The following TSPAN11 variants were observed in gnomAD, a reference collection of about 807,000 sequenced individuals.
The protein encoded by TSPAN11 is tetraspanin 11, also known as tetraspanin-11.
A neutral mutation model predicts 32.9 loss-of-function variants in TSPAN11; 29 were observed. The ratio of observed to expected loss-of-function variants is 0.88; its 90% CI spans 0.66 to 1.20. The LOEUF (loss-of-function observed/expected upper bound fraction) is 1.20. Ranked by LOEUF, TSPAN11 falls within the 50% of genes most tolerant of loss-of-function variation. The pLI, the probability that TSPAN11 is intolerant of heterozygous loss-of-function variation, is 0.00. For missense variants in TSPAN11, 283 were observed against 329.1 expected, an observed-to-expected ratio of 0.86 and a Z score of 1.08; for synonymous variants, 140 against 141.3, an observed-to-expected ratio of 0.99 and a Z score of 0.07.
rs1937855241 is a variant in TSPAN11, at chr12:30,928,798, T to A, written c.-12+2002T>A. Among the ~76,000 whole-genome samples, 3 of 152,154 alleles carry A rather than the reference T, an allele frequency of 2.0e-5. No individual in the cohort carries two copies. The South Asian group carries it at 6.2e-4, about 32-fold the overall frequency. ...GCCTTTCCTGATCCCCCATCTAAAG[T>A]AGCCACCTCCCAGCCATGATCACAT... On this transcript the variant is annotated intron_variant, in intron 1 of 7. Transcript: ENST00000546076.
chr12:30,957,891 CCTTCCTTA>C (rs1340709226), intron 2 of TSPAN11, among the ~76,000 whole-genome samples: 1 of 139,324 alleles, frequency 7.2e-6, no homozygotes, highest in African/African-American at 2.6e-5. Context: ...TTCCTTCCTT[CCTTCCTTA>C]CATGTGTAGC....
intron 1 of TSPAN11, among the ~76,000 whole-genome samples, chr12:30,934,035 A>T (rs573166033): frequency 1.3e-5 from 2 of 152,292 alleles, no homozygotes; most frequent in South Asian, 4.2e-4. Context: ...AGTCCCCAGA[A>T]CCTGGAGGTG....
At chr12:30,930,293 G>A (rs868430793) in intron 1 of TSPAN11, among the ~76,000 whole-genome samples, 4 of 152,278 alleles carry the variant, frequency 2.6e-5, no homozygotes, top group Non-Finnish European at 5.9e-5. Context: ...CCCAGCCCCC[G>A]ACCTCTGAGC....
At chr12:30,930,727 T>C (rs1194331585) in intron 1 of TSPAN11, among the ~76,000 whole-genome samples, 2 of 152,332 alleles carry the variant, frequency 1.3e-5, no homozygotes, top group East Asian at 3.9e-4. Context: ...TGAAGAGTGG[T>C]GACTACTGTG....
chr12:30,955,478 C>G (rs903090859), intron 2 of TSPAN11, among the ~76,000 whole-genome samples: 3 of 152,190 alleles, frequency 2.0e-5, no homozygotes, highest in African/African-American at 7.2e-5. Flanking sequence ...GTATCCACTA[C>G]AGATAACCTC....
At chr12:30,928,787 C>T (rs1937854816) in intron 1 of TSPAN11, among the ~76,000 whole-genome samples, 1 of 152,262 alleles carries the variant, frequency 6.6e-6, no homozygotes, top group African/African-American at 2.4e-5. Context: ...TTCCTGATCC[C>T]CCATCTAAAG....
intron 3 of TSPAN11, among the ~76,000 whole-genome samples, chr12:30,964,425 T>C (rs115914519): frequency 1.6e-5 from 2 of 127,624 alleles, no homozygotes; most frequent in African/African-American, 2.9e-5. Context: ...CCTCTCCCTC[T>C]CCCTCTTCCT....
rs533960794 is a variant in TSPAN11, at chr12:30,978,605, G to C, written c.321G>C (p.Ala107=). Reference sequence around the variant, plus strand: ...TCATCTTCCTGGTTGAGCTGGTGGCGGGAGTCCTGGCCCATGTGTATTACC... The same window carrying C: ...TCATCTTCCTGGTTGAGCTGGTGGCCGGAGTCCTGGCCCATGTGTATTACC... ...LLVIFLVELV[A]GVLAHVYYQR... is the part of the protein sequence containing the mutation. Residue 107 remains alanine, a synonymous_variant, in exon 4 of 8, where the codon GCG becomes GCC. Coordinates refer to ENST00000546076, the MANE Select transcript of TSPAN11 (RefSeq NM_001370302.1). 1 of 1,614,212 alleles carries C rather than the reference G, an allele frequency of 6.2e-7. No individual in the cohort carries two copies. The highest frequency in any genetic ancestry group is 1.3e-5 in the African/African-American group (1 of 75,048).
intron 1 of TSPAN11, among the ~76,000 whole-genome samples, chr12:30,937,620 C>T (rs1030389275): frequency 6.6e-6 from 1 of 152,172 alleles, no homozygotes; most frequent in Non-Finnish European, 1.5e-5. Context: ...CTGCTCCACA[C>T]AGTCATACAG....
chr12:30,987,031 T>C (rs10492244), intron 7 of TSPAN11, among the ~76,000 whole-genome samples: 4,486 of 152,300 alleles, frequency 0.029, 243 homozygotes, highest in African/African-American at 0.1. Flanking sequence ...AAAGAGCTCG[T>C]TGGATATGAA....
Position 30,964,632 on chromosome 12 carries a change from C to T in TSPAN11, c.276+615C>T, listed in dbSNP as rs532821382. On this transcript the variant is annotated intron_variant, in intron 3 of 7. Coordinates refer to ENST00000546076, the MANE Select transcript of TSPAN11 (RefSeq NM_001370302.1). ...TCCTAACCCCAGGGTGATTCTGAAA[C>T]AGTCCCAGACAGCATGTCATCTGTT... 2.6e-5 allele frequency among the ~76,000 whole-genome samples: 4 copies of T among 152,304 alleles called. No homozygotes were observed. In the South Asian group the frequency reaches 6.2e-4, roughly 24 times the overall value.
chr12:30,959,066 C>T (rs963748765), intron 2 of TSPAN11, among the ~76,000 whole-genome samples: 1 of 152,136 alleles, frequency 6.6e-6, no homozygotes, highest in Non-Finnish European at 1.5e-5. Flanking sequence ...GCTGTTGCCC[C>T]AGAAGCTCGG....
intron 5 of TSPAN11, among the ~76,000 whole-genome samples, chr12:30,980,174 G>A (rs1309988281): frequency 6.6e-6 from 1 of 152,220 alleles, no homozygotes; most frequent in Admixed American, 6.5e-5. Flanking sequence ...AATGCTGGGG[G>A]ACAGAAAGGT....
the TSPAN11 span, among the ~76,000 whole-genome samples, chr12:31,002,678 C>G: frequency 2.6e-5 from 4 of 152,166 alleles, no homozygotes; most frequent in Non-Finnish European, 5.9e-5. The surrounding 1 kb of genome is among the most constrained non-coding windows in gnomAD (Gnocchi z 4.8). Context: ...TGGCACCCAG[C>G]TCCCATCCTG....
intron 1 of TSPAN11, among the ~76,000 whole-genome samples, chr12:30,931,407 A>G (rs1937923487): frequency 6.6e-6 from 1 of 152,190 alleles, no homozygotes; most frequent in Non-Finnish European, 1.5e-5. Flanking sequence ...ACAGTTAGCA[A>G]ACATTTAATC....
At chr12:30,989,018 C>T (rs932825177) in intron 7 of TSPAN11, among the ~76,000 whole-genome samples, 1 of 152,236 alleles carries the variant, frequency 6.6e-6, no homozygotes, top group Non-Finnish European at 1.5e-5. Flanking sequence ...CATCAGCGTC[C>T]TGGGAGCCTC....
rs147801760 is a variant in TSPAN11 at position 30,990,008 on chromosome 12, C to T, written c.703-1848C>T. Among the ~76,000 whole-genome samples the T allele has an allele frequency of 2.2e-3, 338 of 152,318 alleles. 4 individuals are homozygous for T. The highest frequency in any genetic ancestry group is 7.7e-3 in the African/African-American group (319 of 41,576). On this transcript the variant is annotated intron_variant, in intron 7 of 7. Coordinates refer to ENST00000546076, the MANE Select transcript of TSPAN11 (RefSeq NM_001370302.1). Reference sequence around the variant, plus strand: ...GGCCTTGTGTTGTCTCTGTGTGCCCCCTGTTGGCTGCTGGAGCCATCCGTG... The same window carrying T: ...GGCCTTGTGTTGTCTCTGTGTGCCCTCTGTTGGCTGCTGGAGCCATCCGTG...
At chr12:30,973,476 A>AT (rs924816398) in intron 3 of TSPAN11, among the ~76,000 whole-genome samples, 30 of 151,390 alleles carry the variant, frequency 2.0e-4, no homozygotes, top group Admixed American at 3.9e-4. Flanking sequence ...AGAAAGGGTT[A>AT]TTTTTTTTTC....
At chr12:31,001,844 TAC>T in the TSPAN11 span, among the ~76,000 whole-genome samples, 1 of 152,114 alleles carries the variant, frequency 6.6e-6, no homozygotes, top group African/African-American at 2.4e-5. Flanking sequence ...CCCTCTCATA[TAC>T]AGCCAGGGCA....
Sources: gnomAD v4.1 joint callset for allele counts (sites outside exome capture counted in the v4.1 genomes callset) on GRCh38, gnomAD v4.1.1 for gene constraint, Gnocchi (gnomAD v3.1) non-coding constraint, MANE v1.5 for transcripts, NCBI Gene and HGNC (gene_info 2026-07-23, HGNC 2026-07-21) for gene names.